The following RAPGEF5 variants were observed in gnomAD, a reference collection of about 807,000 sequenced individuals.
RAPGEF5 encodes M-Ras-regulated GEF.
Under a neutral mutation model 125.2 loss-of-function variants are expected in RAPGEF5, and 65 were observed. The observed-to-expected ratio is 0.52, with a 90% confidence interval of 0.43 to 0.64. The LOEUF (loss-of-function observed/expected upper bound fraction) is 0.64. RAPGEF5 is among the 30% of genes least tolerant of loss of function. The probability of loss-of-function intolerance (pLI) is 0.00; values close to 1 mark genes in which losing one functional copy is unlikely to be tolerated. For missense variants in RAPGEF5, 958 were observed against 1,048.1 expected (o/e 0.91, Z 1.19); for synonymous variants, 391 against 385.9 (o/e 1.01, Z -0.16).
intron 7 of RAPGEF5, among the ~76,000 whole-genome samples, chr7:22,244,041 T>G (rs900250161): frequency 6.6e-6 from 1 of 152,170 alleles, no homozygotes; most frequent in Non-Finnish European, 1.5e-5. Context: ...AGTGAGATCA[T>G]GTAGTATTTC....
intron 7 of RAPGEF5, among the ~76,000 whole-genome samples, chr7:22,237,279 C>T (rs1252193076): frequency 2.6e-5 from 4 of 151,784 alleles, no homozygotes; most frequent in African/African-American, 7.3e-5. Flanking sequence ...ATGAGTTCTT[C>T]GAGAGGACAG....
At chr7:22,291,875 G>A (rs1782944172) in intron 5 of RAPGEF5, among the ~76,000 whole-genome samples, 2 of 152,076 alleles carry the variant, frequency 1.3e-5, no homozygotes, top group Non-Finnish European at 2.9e-5. Context: ...TTGTTTGTTT[G>A]GGGAAAACAA....
intron 5 of RAPGEF5, among the ~76,000 whole-genome samples, chr7:22,306,090 G>A (rs1783332900): frequency 6.6e-6 from 1 of 152,072 alleles, no homozygotes; most frequent in African/African-American, 2.4e-5. Flanking sequence ...TGGATACTAT[G>A]GTTGCTCAAT....
intron 7 of RAPGEF5, among the ~76,000 whole-genome samples, chr7:22,258,624 C>CAA (rs34352575): frequency 7.4e-3 from 336 of 45,350 alleles, no homozygotes; most frequent in Non-Finnish European, 8.4e-3. Flanking sequence ...AACTCCGTCT[C>CAA]AAAAAAAAAA....
At chr7:22,188,298 C>G (rs866406716) in intron 11 of RAPGEF5, among the ~76,000 whole-genome samples, 1 of 152,202 alleles carries the variant, frequency 6.6e-6, no homozygotes, top group African/African-American at 2.4e-5. Context: ...ACGTTGTCTT[C>G]TATCTTTCCA....
Position 22,170,737 on chromosome 7 carries a change from T to C in RAPGEF5, c.1205-3589A>G, listed in dbSNP as rs895094765. Among the ~76,000 whole-genome samples the C allele has an allele frequency of 2.0e-5, 3 of 152,318 alleles. No homozygotes were observed. In the South Asian group the frequency reaches 6.2e-4, roughly 32 times the overall value. On this transcript the variant is annotated intron_variant, in intron 11 of 25. Coordinates refer to ENST00000665637, the MANE Select transcript of RAPGEF5 (RefSeq NM_012294.5). ...CAGCTCACATATGACAATATTTTGTTAAGGGCTTTGACCCAGAAATGCTTA... is the reference window on the plus strand; with the variant it reads ...CAGCTCACATATGACAATATTTTGTCAAGGGCTTTGACCCAGAAATGCTTA...
chr7:22,339,097 T>G lies in RAPGEF5; in HGVS notation c.231+17733A>C, dbSNP rs114767375. Among the ~76,000 whole-genome samples, 400 of 152,144 alleles carry G rather than the reference T, an allele frequency of 2.6e-3. 3 individuals are homozygous for G. The highest frequency in any genetic ancestry group is 8.9e-3 in the African/African-American group (368 of 41,498). ...CTGGTGTATGACCTTATGGGAACAC[T>G]CGACTGGTAAGAGAAGAACGCCTCA... On this transcript the variant is annotated intron_variant, in intron 1 of 25. Coordinates refer to ENST00000665637, the MANE Select transcript of RAPGEF5 (RefSeq NM_012294.5).
intron 6 of RAPGEF5, among the ~76,000 whole-genome samples, 187 bp downstream of exon 6, chr7:22,290,988 A>C (rs547603755): frequency 6.6e-6 from 1 of 152,248 alleles, no homozygotes; most frequent in East Asian, 1.9e-4. Context: ...TGATCTCATG[A>C]AGGGAGGCTC....
intron 3 of RAPGEF5, among the ~76,000 whole-genome samples, chr7:22,311,631 C>T (rs1783473592): frequency 6.6e-6 from 1 of 152,174 alleles, no homozygotes; most frequent in Non-Finnish European, 1.5e-5. Context: ...TTGACAGATA[C>T]TCTAAGGCAA....
chr7:22,177,904 C>T (rs956773850), intron 11 of RAPGEF5, among the ~76,000 whole-genome samples: 9 of 152,036 alleles, frequency 5.9e-5, no homozygotes, highest in Non-Finnish European at 1.0e-4. Context: ...GGTTTGGAAG[C>T]GGGAGTAGAG....
intron 1 of RAPGEF5, among the ~76,000 whole-genome samples, chr7:22,355,008 G>A (rs1467540891): frequency 6.6e-6 from 1 of 152,214 alleles, no homozygotes; most frequent in African/African-American, 2.4e-5. Flanking sequence ...CACAAAGGTA[G>A]TTCCAAGGCA....
rs1039617572 is a variant in RAPGEF5, at chr7:22,121,019, G to C, written c.*1387C>G. On this transcript the variant is annotated 3_prime_UTR_variant, in exon 26 of 26. Coordinates refer to ENST00000665637, the MANE Select transcript of RAPGEF5 (RefSeq NM_012294.5). ...AGACTCCTGCATTTGGAAAATGAAT[G>C]GACCAGGCCCTTGCATTTTAGCAAG... 5 of 152,182 alleles carry C rather than the reference G, an allele frequency of 3.3e-5. No individual in the cohort carries two copies. The highest frequency in any genetic ancestry group is 7.3e-5 in the Non-Finnish European group (5 of 68,038). 9.4% of individuals were successfully genotyped at this position (152,182 alleles called of 1,614,324 possible). A position where few individuals can be genotyped will look rare whatever the true frequency, so the allele number is the denominator to read the frequency against.
intron 24 of RAPGEF5, among the ~76,000 whole-genome samples, chr7:22,128,062 A>G (rs1411116434): frequency 6.6e-6 from 1 of 152,054 alleles, no homozygotes; most frequent in Non-Finnish European, 1.5e-5. Context: ...CGTCACATTG[A>G]TTTCTATCAT....
At chr7:22,129,728 G>A (rs1483835150) in intron 24 of RAPGEF5, among the ~76,000 whole-genome samples, 1 of 151,882 alleles carries the variant, frequency 6.6e-6, no homozygotes, top group African/African-American at 2.4e-5. Flanking sequence ...ACTTGAAAAT[G>A]TATTGACAGA....
chr7:22,228,517 T>A (rs1785975057), intron 8 of RAPGEF5, among the ~76,000 whole-genome samples: 1 of 152,086 alleles, frequency 6.6e-6, no homozygotes, highest in Non-Finnish European at 1.5e-5. Context: ...TTGCTTTGTT[T>A]TCTTTTTTGA....
intron 9 of RAPGEF5, among the ~76,000 whole-genome samples, chr7:22,199,543 A>G (rs1785229550): frequency 1.3e-5 from 2 of 149,518 alleles, no homozygotes; most frequent in African/African-American, 4.9e-5. Flanking sequence ...AAAAAAAAAA[A>G]AAAAAAAAAA....
At chr7:22,247,964 A>ACAGT (rs1467276177) in intron 7 of RAPGEF5, among the ~76,000 whole-genome samples, 8 of 152,170 alleles carry the variant, frequency 5.3e-5, no homozygotes, top group Non-Finnish European at 1.2e-4. Context: ...TAGACACTGT[A>ACAGT]GACTACTGGA....
chr7:22,241,958 C>A (rs552225766), intron 7 of RAPGEF5, among the ~76,000 whole-genome samples: 2 of 152,074 alleles, frequency 1.3e-5, no homozygotes, highest in African/African-American at 2.4e-5. Context: ...TTCTCTCCTG[C>A]GATGCTAAGT....
At chr7:22,318,295 G>A (rs1422786788) in intron 1 of RAPGEF5, among the ~76,000 whole-genome samples, 2 of 152,162 alleles carry the variant, frequency 1.3e-5, no homozygotes, top group Non-Finnish European at 2.9e-5. Flanking sequence ...TAGAAAGACT[G>A]GGATTTTCTT....
Sources: gnomAD v4.1 joint callset for allele counts (sites outside exome capture counted in the v4.1 genomes callset) on GRCh38, gnomAD v4.1.1 for gene constraint, MANE v1.5 for transcripts, NCBI Gene and HGNC (gene_info 2026-07-23, HGNC 2026-07-21) for gene names.